Variants in SNAPC3 observed in about 807,000 individuals in gnomAD.
SNAPC3 encodes small nuclear RNA activating complex polypeptide 3, also known as snRNA-activating protein complex subunit 3.
SNAPC3 carries 56 observed loss-of-function variants against 47.7 expected under a neutral mutation model. The ratio of observed to expected loss-of-function variants is 1.18; its 90% CI spans 0.95 to 1.47. The LOEUF (loss-of-function observed/expected upper bound fraction) is 1.47, where lower values mean the gene tolerates loss of function less well. SNAPC3 is among the 40% of genes most tolerant of loss of function. The pLI is 0.00. For missense variants in SNAPC3, 665 were observed against 511.3 expected, an observed-to-expected ratio of 1.30 and a Z score of -2.90; for synonymous variants, 235 against 189.9, an observed-to-expected ratio of 1.24 and a Z score of -1.95.
At chr9:15,424,824 C>T (rs1158879428) in intron 2 of SNAPC3, among the ~76,000 whole-genome samples, 2 of 152,184 alleles carry the variant, frequency 1.3e-5, no homozygotes, top group Non-Finnish European at 2.9e-5. Context: ...CTATTATCCC[C>T]CTCAAATATT....
chr9:15,439,250 A>G (rs559821157), intron 3 of SNAPC3, among the ~76,000 whole-genome samples: 13 of 152,332 alleles, frequency 8.5e-5, no homozygotes, highest in East Asian at 1.9e-4. Context: ...GACTCAAGCA[A>G]TCTGCCCACC....
intron 8 of SNAPC3, among the ~76,000 whole-genome samples, chr9:15,458,605 T>G (rs1015227224): frequency 2.6e-5 from 4 of 152,132 alleles, no homozygotes; most frequent in Non-Finnish European, 5.9e-5. Context: ...TTTATAAAAT[T>G]TTTACTTTAT....
rs763542697 is a variant in SNAPC3, at chr9:15,433,577, C to T, written c.418C>T (p.Arg140Trp). ...GGTTAGAAAAAGGTTCTTGGAACATCGGGAAGAAACCATTACAATAGATCG... is the reference window on the plus strand; with the variant it reads ...GGTTAGAAAAAGGTTCTTGGAACATTGGGAAGAAACCATTACAATAGATCG... Reference protein sequence around the residue: ...LGVRKRFLEHREETITIDRAC... With the variant: ...LGVRKRFLEHWEETITIDRAC... The change falls in exon 3 of 9, where the codon CGG becomes TGG. Residue 140 changes from arginine (R) to tryptophan (W), a missense_variant. By Grantham distance (101) the Arg-to-Trp change is moderately radical. Coordinates refer to ENST00000380821, the MANE Select transcript of SNAPC3 (RefSeq NM_001039697.2). The T allele has an allele frequency of 1.9e-6, 3 of 1,604,438 alleles. No individual in the cohort carries two copies. Among genetic ancestry groups the T allele is most frequent in the Non-Finnish European group, 1.7e-6 (2 of 1,175,194 alleles).
chr9:15,430,577 T>C (rs972058112), intron 2 of SNAPC3, among the ~76,000 whole-genome samples: 4 of 152,238 alleles, frequency 2.6e-5, no homozygotes, highest in African/African-American at 9.6e-5. Flanking sequence ...ATCCCATTTC[T>C]AGTAATTTAT....
intron 4 of SNAPC3, among the ~76,000 whole-genome samples, chr9:15,445,294 C>T (rs1188040516): frequency 1.3e-5 from 2 of 152,154 alleles, no homozygotes; most frequent in Non-Finnish European, 2.9e-5. Context: ...ATATGTAAAT[C>T]CATAATGATT....
At chr9:15,426,490 A>C (rs1336707337) in intron 2 of SNAPC3, among the ~76,000 whole-genome samples, 1 of 152,208 alleles carries the variant, frequency 6.6e-6, no homozygotes, top group Non-Finnish European at 1.5e-5. Context: ...TATATTACCA[A>C]TTCCTAGAAC....
rs377473448 is a variant in SNAPC3 at position 15,455,800 on chromosome 9, G to A, written c.981-2160G>A. ...CGCAACCTCTGTCTCCTAGGTTGAA[G>A]CAATTCTCATGCCTTAGCCTCCCAA... On this transcript the variant is annotated intron_variant, in intron 7 of 8. Transcript: ENST00000380821. Among the ~76,000 whole-genome samples, 6 of 152,154 alleles carry A rather than the reference G, an allele frequency of 3.9e-5. No homozygotes were observed. In the East Asian group the frequency reaches 9.7e-4, roughly 24 times the overall value.
chr9:15,443,925 C>T (rs1473488307), intron 3 of SNAPC3, among the ~76,000 whole-genome samples: 2 of 152,166 alleles, frequency 1.3e-5, no homozygotes, highest in Non-Finnish European at 2.9e-5. Flanking sequence ...CATCAGGTTC[C>T]AGAGTTCCCA....
At chr9:15,465,796 T>A (rs573857318), downstream of SNAPC3, 1 of 470,220 alleles carries the variant, frequency 2.1e-6, no homozygotes, top group Middle Eastern at 5.4e-4. Flanking sequence ...CAAAGTAATA[T>A]GCAGATGAAG....
chr9:15,436,082 G>C (rs573850928), intron 3 of SNAPC3, among the ~76,000 whole-genome samples: 1 of 152,286 alleles, frequency 6.6e-6, no homozygotes, highest in South Asian at 2.1e-4. Context: ...GACCTCAGGT[G>C]ATCCATGCGC....
chr9:15,432,362 A>G (rs539296270), intron 2 of SNAPC3, among the ~76,000 whole-genome samples: 1 of 152,110 alleles, frequency 6.6e-6, no homozygotes, highest in East Asian at 1.9e-4. Context: ...AGAAGCAGTG[A>G]CTCCAGTAAC....
At chr9:15,449,558 TA>T (rs1157989576) in intron 5 of SNAPC3, among the ~76,000 whole-genome samples, 384 of 40,912 alleles carry the variant, frequency 9.4e-3, no homozygotes, top group East Asian at 0.031. Flanking sequence ...TATATATATA[TA>T]TATATTTTTT....
rs2034512457 is a variant in SNAPC3 at position 15,453,062 on chromosome 9, G to T, written c.837G>T (p.Glu279Asp). Residue 279 changes from glutamate to aspartate, a missense_variant, in exon 7 of 9, where the codon GAG (glutamate) becomes GAT (aspartate). Physicochemically the swap from Glu to Asp is conservative, Grantham distance 45 (BLOSUM62 2). Transcript: ENST00000380821. ...TCAGAACTATCATTGAGTGGTCAGA[G>T]TCCCATGATAGAGGCTATGGAAAGT... Reference protein sequence around the residue: ...DLSRTIIEWSESHDRGYGKFQ... With the variant: ...DLSRTIIEWSDSHDRGYGKFQ... 6.2e-7 allele frequency: 1 copy of T among 1,613,386 alleles called. No homozygotes were observed. The highest frequency in any genetic ancestry group is 2.2e-5 in the East Asian group (1 of 44,836).
chr9:15,466,605 G>C (rs1424232359), downstream of SNAPC3: 5 of 608,570 alleles, frequency 8.2e-6, no homozygotes, highest in Non-Finnish European at 1.3e-5. Context: ...CTTCCTTTTT[G>C]AATTGTAACT....
At position 15,453,038 on chromosome 9, in the gene SNAPC3, C is replaced by T; in HGVS notation, c.816-3C>T. 6.2e-7 allele frequency: 1 copy of T among 1,606,284 alleles called. No homozygotes were observed. Among genetic ancestry groups the T allele is most frequent in the African/African-American group, 1.3e-5 (1 of 74,602 alleles). ...GATATATCCTTGCCTTTTCCCCCCTCAGAACTATCATTGAGTGGTCAGAGT... is the reference window on the plus strand; with the variant it reads ...GATATATCCTTGCCTTTTCCCCCCTTAGAACTATCATTGAGTGGTCAGAGT... On this transcript the variant is annotated splice_region_variant and splice_polypyrimidine_tract_variant and intron_variant, in intron 6 of 8. Transcript: ENST00000380821.
chr9:15,429,023 C>G (rs900685445), intron 2 of SNAPC3, among the ~76,000 whole-genome samples: 6 of 151,950 alleles, frequency 3.9e-5, no homozygotes, highest in Non-Finnish European at 5.9e-5. Flanking sequence ...AAAATTAACC[C>G]AGACTTATTG....
chr9:15,428,368 T>A (rs1171802497), intron 2 of SNAPC3, among the ~76,000 whole-genome samples: 1 of 149,394 alleles, frequency 6.7e-6, no homozygotes. Flanking sequence ...GTCTAGCCGG[T>A]CGTGGTGGCG....
At chr9:15,427,785 T>C (rs1337872718) in intron 2 of SNAPC3, among the ~76,000 whole-genome samples, 3 of 152,054 alleles carry the variant, frequency 2.0e-5, no homozygotes, top group African/African-American at 4.8e-5. Flanking sequence ...TACAGAGTCC[T>C]GCAAAAACAA....
chr9:15,443,902 G>GT (rs2033718527), intron 3 of SNAPC3, among the ~76,000 whole-genome samples: 1 of 152,192 alleles, frequency 6.6e-6, no homozygotes, highest in African/African-American at 2.4e-5. Context: ...TCCCCTGATT[G>GT]TTGTAAGTGT....
Sources: allele counts gnomAD v4.1 joint callset (sites outside exome capture counted in the v4.1 genomes callset), GRCh38; gene constraint gnomAD v4.1.1; transcripts MANE v1.5; gene names NCBI Gene and HGNC (gene_info 2026-07-23, HGNC 2026-07-21).